Variants in DGKD observed in about 807,000 individuals in gnomAD.
DGKD encodes the protein DAG kinase delta.
A neutral mutation model predicts 154.4 loss-of-function variants in DGKD; 68 were observed. The ratio of observed to expected loss-of-function variants is 0.44; its 90% confidence interval spans 0.36 to 0.54. The LOEUF (loss-of-function observed/expected upper bound fraction) is 0.54, where lower values mean the gene tolerates loss of function less well. Ranked by LOEUF, DGKD falls within the 20% of genes least tolerant of loss-of-function variation. The probability of loss-of-function intolerance (pLI) is 0.00; values close to 1 mark genes in which losing one functional copy is unlikely to be tolerated. For synonymous variants in DGKD, 693 were observed against 638.0 expected (o/e 1.09, Z -1.30); for missense variants, 1,343 against 1,593.6 (o/e 0.84, Z 2.68).
chr2:233,381,293 A>G (rs148616340), intron 1 of DGKD, among the ~76,000 whole-genome samples: 51 of 152,326 alleles, frequency 3.3e-4, no homozygotes, highest in Non-Finnish European at 6.6e-4. Context: ...GTGGTGGGTA[A>G]GTTGCAGGTA....
Position 233,457,300 on chromosome 2 carries a change from A to G in DGKD, c.2552A>G (p.Asn851Ser), listed in dbSNP as rs1284483645. 8.5e-6 allele frequency: 13 copies of G among 1,532,994 alleles called. No individual in the cohort carries two copies. Among genetic ancestry groups the G allele is most frequent in the East Asian group, 2.3e-5 (1 of 44,156 alleles). The allele number at this position is 1,532,994 out of a possible 1,614,324, so 95.0% of individuals were successfully genotyped here. The change falls in exon 21 of 30, where the codon AAC becomes AGC. Residue 851 changes from asparagine to serine, a missense_variant. Coordinates refer to ENST00000264057, the MANE Select transcript of DGKD (RefSeq NM_152879.3). This position sits in a 1 kb window ranked among gnomAD's most constrained non-coding sequence, Gnocchi z 5.5. ...ATTCCCAGCTATGCCGGAGGAACCAACTTCTGGGGGGGTACCAAGGAAGAT... is the reference window on the plus strand; with the variant it reads ...ATTCCCAGCTATGCCGGAGGAACCAGCTTCTGGGGGGGTACCAAGGAAGAT... ...LNIPSYAGGTNFWGGTKEDDT... is the reference protein window; with the variant it reads ...LNIPSYAGGTSFWGGTKEDDT...
intron 1 of DGKD, among the ~76,000 whole-genome samples, chr2:233,364,039 G>A (rs890944317): frequency 3.3e-5 from 5 of 152,122 alleles, no homozygotes; most frequent in Non-Finnish European, 5.9e-5. Flanking sequence ...GCAGTGAGTC[G>A]AGATCACACC....
At chr2:233,468,321 C>T in intron 28 of DGKD, 102 bp from the exon 29 acceptor site, 1 of 1,468,056 alleles carries the variant, frequency 6.8e-7, no homozygotes, top group Non-Finnish European at 9.3e-7. Context: ...TGGGACGTCT[C>T]CTGTCCTGGC....
chr2:233,377,453 G>A (rs998583577), intron 1 of DGKD, among the ~76,000 whole-genome samples: 11 of 152,250 alleles, frequency 7.2e-5, no homozygotes, highest in South Asian at 2.1e-4. Flanking sequence ...GAGAGGTTCC[G>A]TAGTGTATAA....
rs778068564 is a variant in DGKD, at chr2:233,458,234, G to A, written c.2581-50G>A. ...GAGGGAGTGAGGGTAGGGGCGGCCT[G>A]TGCTCGGGGATGTGTGGAGTGGTGG... On this transcript the variant is annotated intron_variant, in intron 21 of 29. Coordinates refer to ENST00000264057, the MANE Select transcript of DGKD (RefSeq NM_152879.3). The surrounding 1 kb of genome is among the most constrained non-coding windows in gnomAD (Gnocchi z 6.6). 4.5e-6 allele frequency: 6 copies of A among 1,324,454 alleles called. No homozygotes were observed. The Admixed American group carries it at 1.0e-4, about 23-fold the overall frequency. The allele number at this position is 1,324,454 out of a possible 1,614,324, so 82.0% of individuals were successfully genotyped here.
At position 233,449,969 on chromosome 2, in the gene DGKD, T is replaced by C. The variant is rs41270765; in HGVS notation, c.1889-13T>C. 2.0e-5 allele frequency: 31 copies of C among 1,577,564 alleles called. No individual in the cohort carries two copies. Among genetic ancestry groups the C allele is most frequent in the Non-Finnish European group, 2.7e-5 (31 of 1,159,946 alleles). Reference sequence around the variant, plus strand: ...CACCCGCGTGCTCAGCCGCACACACTCTCCTTGCACAGCTGTCGATGAGCA... The same window carrying C: ...CACCCGCGTGCTCAGCCGCACACACCCTCCTTGCACAGCTGTCGATGAGCA... On this transcript the variant is annotated splice_polypyrimidine_tract_variant and intron_variant, in intron 15 of 29. Coordinates refer to ENST00000264057, the MANE Select transcript of DGKD (RefSeq NM_152879.3). This position sits in a 1 kb window ranked among gnomAD's most constrained non-coding sequence, Gnocchi z 5.3.
intron 1 of DGKD, among the ~76,000 whole-genome samples, chr2:233,369,109 G>A (rs1356453707): frequency 6.6e-6 from 1 of 152,190 alleles, no homozygotes. Context: ...GAAGGCTTTT[G>A]TCTCTGCCTC....
In DGKD at chr2:233,457,029, G is replaced by C. The variant is rs375488296; in HGVS notation, c.2472+34G>C. 5 of 1,551,940 alleles carry C rather than the reference G, an allele frequency of 3.2e-6. No homozygotes were observed. The highest frequency in any genetic ancestry group is 4.4e-6 in the Non-Finnish European group (5 of 1,123,730). On this transcript the variant is annotated intron_variant, in intron 20 of 29. Transcript: ENST00000264057. This position sits in a 1 kb window ranked among gnomAD's most constrained non-coding sequence, Gnocchi z 5.5. ...GAGGGTCCTTGTCACCTGCAGGCTGGCCTCCATCCATCAGCAGACTGCCAG... is the reference window on the plus strand; with the variant it reads ...GAGGGTCCTTGTCACCTGCAGGCTGCCCTCCATCCATCAGCAGACTGCCAG...
At position 233,441,391 on chromosome 2, in the gene DGKD, C is replaced by T. The variant is rs2062881771; in HGVS notation, c.1086-496C>T. 6.6e-6 allele frequency among the ~76,000 whole-genome samples: 1 copy of T among 152,190 alleles called. No individual in the cohort carries two copies. The highest frequency in any genetic ancestry group is 2.4e-5 in the African/African-American group (1 of 41,460). ...CCAGAACAAGGGCCAGGGCGGAAGC[C>T]AGACTGTGGCCCAGGGCCGGGGAGT... On this transcript the variant is annotated intron_variant, in intron 9 of 29. Transcript: ENST00000264057. This position sits in a 1 kb window ranked among gnomAD's most constrained non-coding sequence, Gnocchi z 5.6.
Position 233,448,185 on chromosome 2 carries a change from A to G in DGKD, c.1514+4A>G. ...CGGTGGTCATCTCCTCGGCCAAGTG[A>G]GTGCCTGGTGGCCCTGGGGAGGGCA... is the stretch of plus-strand genomic sequence containing the variant. On this transcript the variant is annotated splice_donor_region_variant and intron_variant, in intron 13 of 29. Transcript: ENST00000264057. 6.2e-7 allele frequency: 1 copy of G among 1,614,158 alleles called. No homozygotes were observed. Among genetic ancestry groups the G allele is most frequent in the Non-Finnish European group, 8.5e-7 (1 of 1,180,030 alleles).
chr2:233,431,787 T>C (rs899002680), intron 3 of DGKD, among the ~76,000 whole-genome samples: 1 of 152,216 alleles, frequency 6.6e-6, no homozygotes, highest in Non-Finnish European at 1.5e-5. Context: ...AGAATGAAAC[T>C]AGACTCCCAT....
At chr2:233,444,905 T>C (rs2063016756) in intron 10 of DGKD, among the ~76,000 whole-genome samples, 1 of 152,008 alleles carries the variant, frequency 6.6e-6, no homozygotes, top group Admixed American at 6.5e-5. Context: ...GTCACTCTGT[T>C]GTCAGAGTCA....
At chr2:233,427,521 A>T (rs1473466583) in intron 3 of DGKD, among the ~76,000 whole-genome samples, 1 of 151,670 alleles carries the variant, frequency 6.6e-6, no homozygotes, top group East Asian at 1.9e-4. Flanking sequence ...TTGTATTTTT[A>T]GTTAGAGATG....
chr2:233,447,187 C>T (rs993566977), intron 12 of DGKD, among the ~76,000 whole-genome samples: 1 of 76,062 alleles, frequency 1.3e-5, no homozygotes, highest in Non-Finnish European at 2.4e-5. Flanking sequence ...CGCGGCTCTC[C>T]CCTAGCCCCC....
At chr2:233,465,363 G>A (rs1012802670) in intron 27 of DGKD, among the ~76,000 whole-genome samples, 9 of 152,276 alleles carry the variant, frequency 5.9e-5, no homozygotes, top group Admixed American at 2.6e-4. Flanking sequence ...GGACATGGAC[G>A]GGGGGAGGAA....
chr2:233,371,098 T>C (rs1378687716), intron 1 of DGKD, among the ~76,000 whole-genome samples: 1 of 152,212 alleles, frequency 6.6e-6, no homozygotes, highest in Non-Finnish European at 1.5e-5. Context: ...GTTAAATTGC[T>C]GGATAATTCT....
chr2:233,360,289 G>A (rs1391386996), intron 1 of DGKD, among the ~76,000 whole-genome samples: 2 of 151,724 alleles, frequency 1.3e-5, no homozygotes, highest in Admixed American at 6.6e-5. Flanking sequence ...TTCTGAGACA[G>A]GGTCTTGCTC....
chr2:233,429,683 C>T (rs1394189917), intron 3 of DGKD, among the ~76,000 whole-genome samples: 1 of 152,240 alleles, frequency 6.6e-6, no homozygotes, highest in Non-Finnish European at 1.5e-5. Context: ...GGGGTGTCCT[C>T]TGGAGGGAGA....
At chr2:233,418,642 C>T (rs1351743781) in intron 3 of DGKD, among the ~76,000 whole-genome samples, 2 of 152,218 alleles carry the variant, frequency 1.3e-5, no homozygotes, top group East Asian at 3.8e-4. Flanking sequence ...CCTGGGGAGG[C>T]AGGAGTGGGT....
Sources: gnomAD v4.1 joint callset for allele counts (sites outside exome capture counted in the v4.1 genomes callset) on GRCh38, gnomAD v4.1.1 for gene constraint, Gnocchi (gnomAD v3.1) non-coding constraint, MANE v1.5 for transcripts, NCBI Gene and HGNC (gene_info 2026-07-23, HGNC 2026-07-21) for gene names.